Variants in FRMD3 observed in about 807,000 individuals in gnomAD.
FRMD3 encodes the protein FERM domain-containing protein 3.
FRMD3 carries 33 observed loss-of-function variants against 70.2 expected under a neutral mutation model. The observed-to-expected ratio is 0.47, with a 90% CI of 0.36 to 0.63. The LOEUF is 0.63. Among genes scored for constraint, FRMD3 ranks in the 20% least tolerant of loss-of-function variants. The probability of loss-of-function intolerance (pLI) is 0.00; values close to 1 mark genes in which losing one functional copy is unlikely to be tolerated. For missense variants in FRMD3, 632 were observed against 711.4 expected (o/e 0.89, Z 1.27); for synonymous variants, 279 against 255.9 (o/e 1.09, Z -0.86).
chr9:83,443,204 A>G (rs994832376), intron 1 of FRMD3, among the ~76,000 whole-genome samples: 2 of 152,144 alleles, frequency 1.3e-5, no homozygotes, highest in African/African-American at 4.8e-5. Flanking sequence ...GGTTTGTTAC[A>G]TATGCATACA....
chr9:83,261,153 T>C (rs993828230), intron 13 of FRMD3, among the ~76,000 whole-genome samples: 2 of 89,916 alleles, frequency 2.2e-5, no homozygotes, highest in African/African-American at 3.8e-5. Context: ...CAGATCCTAA[T>C]ACTCTCCCAT....
At chr9:83,429,790 G>A (rs930775610) in intron 1 of FRMD3, among the ~76,000 whole-genome samples, 3 of 151,866 alleles carry the variant, frequency 2.0e-5, no homozygotes, top group Non-Finnish European at 2.9e-5. Flanking sequence ...CTGGGTCTTC[G>A]TCTCTTGTCT....
intron 7 of FRMD3, among the ~76,000 whole-genome samples, chr9:83,312,185 T>C (rs1320541817): frequency 1.3e-5 from 2 of 152,192 alleles, no homozygotes; most frequent in South Asian, 2.1e-4. Context: ...GCTTTTCCCT[T>C]TGAGGAGCGG....
chr9:83,358,176 T>C (rs1220214506), intron 3 of FRMD3, among the ~76,000 whole-genome samples: 3 of 152,248 alleles, frequency 2.0e-5, no homozygotes, highest in Non-Finnish European at 4.4e-5. Flanking sequence ...CCCAGAACCA[T>C]TTGTTGAACA....
At chr9:83,534,102 G>A (rs58763988) in intron 1 of FRMD3, among the ~76,000 whole-genome samples, 2,383 of 152,296 alleles carry the variant, frequency 0.016, 58 homozygotes, top group African/African-American at 0.054. Context: ...CCAGACTTCA[G>A]GGGTTGGCTC....
At chr9:83,442,080 C>T (rs1048071465) in intron 1 of FRMD3, among the ~76,000 whole-genome samples, 3 of 152,016 alleles carry the variant, frequency 2.0e-5, no homozygotes, top group African/African-American at 4.8e-5. Flanking sequence ...ACTTATCAGC[C>T]GAGTGATCTT....
At chr9:83,462,552 C>T (rs1828005336) in intron 1 of FRMD3, among the ~76,000 whole-genome samples, 1 of 152,194 alleles carries the variant, frequency 6.6e-6, no homozygotes, top group Non-Finnish European at 1.5e-5. Context: ...CATGGTACCA[C>T]CACATCCCTA....
chr9:83,511,986 C>T (rs915637345), intron 1 of FRMD3, among the ~76,000 whole-genome samples: 2 of 152,186 alleles, frequency 1.3e-5, no homozygotes, highest in African/African-American at 4.8e-5. Context: ...TGTTAAACTT[C>T]AAGATCTTGG....
chr9:83,551,723 A>G, the FRMD3 span, among the ~76,000 whole-genome samples: 4 of 152,088 alleles, frequency 2.6e-5, no homozygotes, highest in African/African-American at 4.8e-5. Flanking sequence ...GTGTCCAGGA[A>G]TTTATCCTTC....
rs1315953157 is a variant in FRMD3, at chr9:83,537,709, G to A, written c.147+376C>T. On this transcript the variant is annotated intron_variant, in intron 1 of 13. Transcript: ENST00000304195. The surrounding 1 kb of genome is among the most constrained non-coding windows in gnomAD (Gnocchi z 4.1). Reference sequence around the variant, plus strand: ...GGAAGAAGGGAGGAAATACCAGTGGGCGACATGCAGGTGCCCCTCTCAGCC... The same window carrying A: ...GGAAGAAGGGAGGAAATACCAGTGGACGACATGCAGGTGCCCCTCTCAGCC... 6.6e-6 allele frequency among the ~76,000 whole-genome samples: 1 copy of A among 152,202 alleles called. No individual in the cohort carries two copies. Among genetic ancestry groups the A allele is most frequent in the East Asian group, 1.9e-4 (1 of 5,172 alleles).
chr9:83,485,152 G>A (rs1359892102), intron 1 of FRMD3, among the ~76,000 whole-genome samples: 1 of 152,344 alleles, frequency 6.6e-6, no homozygotes, highest in East Asian at 1.9e-4. Context: ...GGCTGGGAAA[G>A]CCCATACAGA....
chr9:83,319,897 T>C (rs1178650187), intron 6 of FRMD3, among the ~76,000 whole-genome samples: 3 of 152,228 alleles, frequency 2.0e-5, no homozygotes, highest in Non-Finnish European at 4.4e-5. Context: ...GTAAATCAAA[T>C]AAACTTCTTT....
chr9:83,294,462 G>C (rs1834574990), intron 12 of FRMD3, among the ~76,000 whole-genome samples: 1 of 152,188 alleles, frequency 6.6e-6, no homozygotes, highest in Non-Finnish European at 1.5e-5. Flanking sequence ...GGTGCCAACT[G>C]ATCCTGGCTT....
intron 1 of FRMD3, among the ~76,000 whole-genome samples, chr9:83,506,282 G>T (rs556713415): frequency 1.3e-5 from 2 of 152,234 alleles, no homozygotes; most frequent in South Asian, 4.1e-4. Flanking sequence ...ATGTTTTAAA[G>T]AAACCAAATA....
At chr9:83,481,085 C>A (rs1217885637) in intron 1 of FRMD3, among the ~76,000 whole-genome samples, 2 of 152,144 alleles carry the variant, frequency 1.3e-5, no homozygotes, top group Non-Finnish European at 2.9e-5. Context: ...ATGATGAACT[C>A]TGAATTATCT....
chr9:83,397,172 G>A (rs1196021615), intron 1 of FRMD3, among the ~76,000 whole-genome samples: 1 of 152,198 alleles, frequency 6.6e-6, no homozygotes, highest in Non-Finnish European at 1.5e-5. Context: ...GCTGGAGGGT[G>A]TGGAAGCTGG....
At position 83,307,789 on chromosome 9, in the gene FRMD3, G is replaced by A. The variant is rs560782091; in HGVS notation, c.926+1747C>T. ...ACCACAAAACTGTATACTTTAAAAG[G>A]GTAAATTTTACGGCATGTAAATTAG... On this transcript the variant is annotated intron_variant, in intron 10 of 13. Coordinates refer to ENST00000304195, the MANE Select transcript of FRMD3 (RefSeq NM_174938.6). Among the ~76,000 whole-genome samples, 7 of 152,056 alleles carry A rather than the reference G, an allele frequency of 4.6e-5. No homozygotes were observed. In the East Asian group the frequency reaches 9.7e-4, roughly 21 times the overall value.
rs1835663462 is a variant in FRMD3, at chr9:83,318,356, T to C, written c.597-4609A>G. On this transcript the variant is annotated intron_variant, in intron 6 of 13. Transcript: ENST00000304195. ...AAATGAGAACATGCAGTATTTGCCT[T>C]TTCTGTTTCTGAGTTATTTCACTAA... Among the ~76,000 whole-genome samples, 3 of 152,184 alleles carry C rather than the reference T, an allele frequency of 2.0e-5. No homozygotes were observed. The South Asian group carries it at 6.2e-4, about 32-fold the overall frequency.
At chr9:83,304,405 A>T (rs1297188387) in intron 10 of FRMD3, among the ~76,000 whole-genome samples, 1 of 152,152 alleles carries the variant, frequency 6.6e-6, no homozygotes, top group Non-Finnish European at 1.5e-5. Flanking sequence ...GGAATTTATT[A>T]AAAATATGGA....
Sources: allele counts gnomAD v4.1 joint callset (sites outside exome capture counted in the v4.1 genomes callset), GRCh38; gene constraint gnomAD v4.1.1; non-coding constraint Gnocchi (gnomAD v3.1); transcripts MANE v1.5; gene names NCBI Gene and HGNC (gene_info 2026-07-23, HGNC 2026-07-21).